Variants in PATJ observed in about 807,000 individuals in gnomAD.
PATJ encodes the protein PATJ crumbs cell polarity complex component.
Under a neutral mutation model 224.9 loss-of-function variants are expected in PATJ, and 190 were observed. The observed-to-expected ratio is 0.84, with a 90% CI of 0.75 to 0.95. The LOEUF (loss-of-function observed/expected upper bound fraction) is 0.95, where lower values mean the gene tolerates loss of function less well. PATJ is among the 40% of genes least tolerant of loss of function. The probability of loss-of-function intolerance (pLI) is 0.00; values close to 1 mark genes in which losing one functional copy is unlikely to be tolerated. For missense variants in PATJ, 2,121 were observed against 2,270.3 expected (o/e 0.93, Z 1.34); for synonymous variants, 769 against 820.3 (o/e 0.94, Z 1.07).
chr1:61,874,370 G>A (rs757579657), intron 20 of PATJ, among the ~76,000 whole-genome samples: 3 of 151,948 alleles, frequency 2.0e-5, no homozygotes, highest in Non-Finnish European at 2.9e-5. Context: ...GCTAATTTTT[G>A]TATTTTTAGT....
At position 61,861,284 on chromosome 1, in the gene PATJ, C is replaced by CTTTTTTTTTTTTTTTTTTTTTTTT; in HGVS notation, c.2323-244_2323-243insTTTTTTTTTTTTTTTTTTTTTTTT. 1.4e-3 allele frequency among the ~76,000 whole-genome samples: 66 copies of CTTTTTTTTTTTTTTTTTTTTTTTT among 48,862 alleles called. 11 individuals are homozygous for CTTTTTTTTTTTTTTTTTTTTTTTT. Among genetic ancestry groups the CTTTTTTTTTTTTTTTTTTTTTTTT allele is most frequent in the Non-Finnish European group, 2.3e-3 (55 of 23,754 alleles). The allele number at this position is 48,862 out of a possible 152,430, so 32.1% of individuals were successfully genotyped here. On this transcript the variant is annotated intron_variant, in intron 18 of 43. Transcript: ENST00000642238. ...TGAAACCAGGATATTTTCTTTCTTTCTTTTTTTTTTTTTTTTTTTTTTTAC... is the reference window on the plus strand; with the variant it reads ...TGAAACCAGGATATTTTCTTTCTTTCTTTTTTTTTTTTTTTTTTTTTTTTTTTTTTTTTTTTTTTTTTTTTTTAC...
At chr1:61,992,263 A>C (rs1273519132) in intron 28 of PATJ, among the ~76,000 whole-genome samples, 1 of 151,942 alleles carries the variant, frequency 6.6e-6, no homozygotes, top group Non-Finnish European at 1.5e-5. Flanking sequence ...GATTACAGGC[A>C]AGTGCCACCA....
At position 62,161,292 on chromosome 1, in the gene PATJ, A is replaced by T; in HGVS notation, c.*238A>T. 2 of 304,610 alleles carry T rather than the reference A, an allele frequency of 6.6e-6. No homozygotes were observed. The highest frequency in any genetic ancestry group is 1.2e-5 in the Non-Finnish European group (2 of 168,322). 18.9% of individuals were successfully genotyped at this position (304,610 alleles called of 1,614,324 possible). A position where few individuals can be genotyped will look rare whatever the true frequency, so the allele number is the denominator to read the frequency against. ...GAGGTTGATTTCTAAAACTTAAATG[A>T]GTCTACCTGTTTTGCATTTAATTTC... On this transcript the variant is annotated 3_prime_UTR_variant, in exon 44 of 44. Coordinates refer to ENST00000642238, the MANE Select transcript of PATJ (RefSeq NM_001350145.3).
At chr1:62,108,143 T>G (rs1663333807) in intron 33 of PATJ, among the ~76,000 whole-genome samples, 1 of 152,078 alleles carries the variant, frequency 6.6e-6, no homozygotes, top group Non-Finnish European at 1.5e-5. Flanking sequence ...GAATGACACA[T>G]AGTTCACCTC....
chr1:62,088,599 C>G (rs1052436049), intron 33 of PATJ, among the ~76,000 whole-genome samples: 4 of 152,112 alleles, frequency 2.6e-5, no homozygotes, highest in African/African-American at 9.7e-5. Context: ...ATTTCCTGCT[C>G]TATTTACAGA....
chr1:61,880,834 C>T (rs1424431923), intron 21 of PATJ, among the ~76,000 whole-genome samples: 1 of 152,226 alleles, frequency 6.6e-6, no homozygotes, highest in Non-Finnish European at 1.5e-5. Flanking sequence ...TGGCTCATGC[C>T]TGTAATCCCA....
At chr1:61,949,174 G>A (rs1679237183) in intron 27 of PATJ, among the ~76,000 whole-genome samples, 1 of 151,046 alleles carries the variant, frequency 6.6e-6, no homozygotes, top group South Asian at 2.1e-4. Context: ...TAACAAACCT[G>A]TACATTGTGC....
chr1:61,916,531 A>G (rs538571521), intron 26 of PATJ, among the ~76,000 whole-genome samples: 1 of 152,150 alleles, frequency 6.6e-6, no homozygotes, highest in East Asian at 1.9e-4. Context: ...CATTCTTGTC[A>G]TTTTTCTTCC....
intron 28 of PATJ, among the ~76,000 whole-genome samples, chr1:62,010,225 T>G (rs6678412): frequency 0.16 from 24,246 of 152,010 alleles, 2,171 homozygotes; most frequent in Non-Finnish European, 0.21. Flanking sequence ...TAGTTCTCTG[T>G]CCATTTCCAC....
intron 28 of PATJ, chr1:62,013,511 G>A: frequency 3.0e-6 from 3 of 985,218 alleles, no homozygotes. Flanking sequence ...CCTGCCCTAA[G>A]GAGCTCCACT....
In PATJ at chr1:61,791,403, G is replaced by A. The variant is rs1237838685; in HGVS notation, c.1124G>A (p.Ser375Asn). The change falls in exon 9 of 44, where the codon AGT becomes AAT. Residue 375 changes from serine (S) to asparagine (N), a missense_variant. Transcript: ENST00000642238. ...NVELVRKDGQSLGIRIVGYVG... is the reference protein window; with the variant it reads ...NVELVRKDGQNLGIRIVGYVG... ...GAGCTTGTGAGAAAAGATGGGCAGA[G>A]TCTTGGAATTAGAATTGTTGGCTAT... is the stretch of plus-strand genomic sequence containing the variant. The A allele has an allele frequency of 6.2e-7, 1 of 1,612,202 alleles. No homozygotes were observed. Among genetic ancestry groups the A allele is most frequent in the Non-Finnish European group, 8.5e-7 (1 of 1,178,426 alleles).
chr1:61,824,913 T>C (rs1304875161), intron 15 of PATJ, among the ~76,000 whole-genome samples: 1 of 152,174 alleles, frequency 6.6e-6, no homozygotes, highest in East Asian at 1.9e-4. Context: ...TGTAAAAGAA[T>C]GTGCTATAAT....
chr1:62,026,040 C>G (rs1208665113), intron 29 of PATJ, among the ~76,000 whole-genome samples: 4 of 152,094 alleles, frequency 2.6e-5, no homozygotes. Flanking sequence ...CTGCTTTCTC[C>G]CAGCAGCCCT....
chr1:62,041,056 A>G (rs767133464), intron 30 of PATJ, among the ~76,000 whole-genome samples: 9 of 152,182 alleles, frequency 5.9e-5, no homozygotes, highest in Non-Finnish European at 8.8e-5. Flanking sequence ...GTTTAGAGAA[A>G]TGACAAGACA....
At chr1:62,009,501 C>T (rs562056131) in intron 28 of PATJ, among the ~76,000 whole-genome samples, 5 of 152,230 alleles carry the variant, frequency 3.3e-5, no homozygotes, top group South Asian at 4.1e-4. Context: ...TGGAGAGTCT[C>T]GCCTCCATGT....
At chr1:61,766,936 T>A (rs142023891) in intron 4 of PATJ, among the ~76,000 whole-genome samples, 1 of 151,978 alleles carries the variant, frequency 6.6e-6, no homozygotes, top group Non-Finnish European at 1.5e-5. Context: ...CTACTAAAAA[T>A]AGAAAAATTA....
chr1:61,863,179 C>T (rs964262399), intron 19 of PATJ, among the ~76,000 whole-genome samples: 6 of 151,676 alleles, frequency 4.0e-5, no homozygotes, highest in Admixed American at 1.3e-4. Flanking sequence ...GCACCACAGG[C>T]GCATGCCACC....
chr1:62,055,465 A>T (rs1204881927), intron 31 of PATJ, among the ~76,000 whole-genome samples: 1 of 152,228 alleles, frequency 6.6e-6, no homozygotes, highest in Non-Finnish European at 1.5e-5. Context: ...ATTCGCTAAC[A>T]ATTATAACCT....
chr1:62,097,113 T>C (rs951036768), intron 33 of PATJ, among the ~76,000 whole-genome samples: 3 of 151,916 alleles, frequency 2.0e-5, no homozygotes, highest in African/African-American at 7.3e-5. Flanking sequence ...CTCAGAGAGG[T>C]TAAATAACTT....
Sources: allele counts gnomAD v4.1 joint callset (sites outside exome capture counted in the v4.1 genomes callset), GRCh38; gene constraint gnomAD v4.1.1; transcripts MANE v1.5; gene names NCBI Gene and HGNC (gene_info 2026-07-23, HGNC 2026-07-21).